The following ESR2 variants were observed in gnomAD, a reference collection of about 807,000 sequenced individuals.
ESR2 encodes estrogen receptor beta.
In ESR2, 36 loss-of-function variants were observed where a neutral mutation model predicts 49.6. The ratio of observed to expected loss-of-function variants is 0.73; its 90% CI spans 0.56 to 0.96. The LOEUF is 0.96. Ranked by LOEUF, ESR2 falls within the 40% of genes least tolerant of loss-of-function variation. The pLI, the probability that ESR2 is intolerant of heterozygous loss-of-function variation, is 0.00. For synonymous variants in ESR2, 320 were observed against 266.1 expected, an observed-to-expected ratio of 1.20 and a Z score of -1.97; for missense variants, 714 against 693.0, an observed-to-expected ratio of 1.03 and a Z score of -0.34.
chr14:64,334,303 C>T (rs747995724), intron 1 of ESR2, among the ~76,000 whole-genome samples: 1 of 152,166 alleles, frequency 6.6e-6, no homozygotes, highest in Non-Finnish European at 1.5e-5. Flanking sequence ...CAGCTAACGG[C>T]CTCTTTTGAG....
chr14:64,314,407 G>A (rs148922810), intron 1 of ESR2, among the ~76,000 whole-genome samples: 27 of 149,692 alleles, frequency 1.8e-4, no homozygotes, highest in African/African-American at 6.6e-4. Context: ...AGAAAAGAGG[G>A]AAGATCTCAA....
chr14:64,265,021 C>T (rs140732903), intron 4 of ESR2, among the ~76,000 whole-genome samples: 1 of 152,146 alleles, frequency 6.6e-6, no homozygotes, highest in Non-Finnish European at 1.5e-5. Context: ...TGAATTCATA[C>T]GTTCAAATTT....
chr14:64,302,289 C>A (rs1342606961), intron 1 of ESR2, among the ~76,000 whole-genome samples: 1 of 151,946 alleles, frequency 6.6e-6, no homozygotes. Flanking sequence ...CGGGTTCATG[C>A]CATTCTCCTG....
chr14:64,312,469 G>A (rs1319041190), intron 1 of ESR2, among the ~76,000 whole-genome samples: 3 of 152,134 alleles, frequency 2.0e-5, no homozygotes, highest in African/African-American at 7.2e-5. Flanking sequence ...ATCACTTGAA[G>A]TCAGTGTAGG....
intron 7 of ESR2, among the ~76,000 whole-genome samples, chr14:64,238,356 T>A (rs1567731110): frequency 2.0e-5 from 3 of 151,022 alleles, no homozygotes; most frequent in Non-Finnish European, 3.0e-5. Context: ...TATGGTGGGG[T>A]AGGGGGGCAG....
rs182617398 is a variant in ESR2 at position 64,284,756 on chromosome 14, C to G, written c.-90-1681G>C. Among the ~76,000 whole-genome samples, 679 of 152,266 alleles carry G rather than the reference C, an allele frequency of 4.5e-3. 2 individuals are homozygous for G. The highest frequency in any genetic ancestry group is 6.2e-3 in the Non-Finnish European group (421 of 68,012). ...TGACTTCTCCCCTTGACTCAGTTAA[C>G]TTTACTCATCAAGGCACATTGGCTT... On this transcript the variant is annotated intron_variant, in intron 1 of 8. Transcript: ENST00000341099.
At chr14:64,256,390 T>G (rs1250491827) in intron 6 of ESR2, among the ~76,000 whole-genome samples, 1 of 152,210 alleles carries the variant, frequency 6.6e-6, no homozygotes, top group Non-Finnish European at 1.5e-5. Context: ...TAACCCTTCC[T>G]TCCACCGCTA....
intron 1 of ESR2, among the ~76,000 whole-genome samples, chr14:64,314,216 A>G (rs2077223482): frequency 6.6e-6 from 1 of 152,128 alleles, no homozygotes; most frequent in African/African-American, 2.4e-5. Flanking sequence ...CCAATAACAG[A>G]TAACAGGAAA....
intron 6 of ESR2, among the ~76,000 whole-genome samples, chr14:64,251,412 TACAC>T (rs111881046): frequency 0.24 from 35,282 of 149,304 alleles, 4,231 homozygotes; most frequent in Middle Eastern, 0.34. Context: ...GCACAATACA[TACAC>T]ACACACACAC....
At chr14:64,275,130 T>C (rs2076532788) in intron 3 of ESR2, among the ~76,000 whole-genome samples, 1 of 152,256 alleles carries the variant, frequency 6.6e-6, no homozygotes, top group Non-Finnish European at 1.5e-5. Flanking sequence ...TTAGTGCAGA[T>C]TAAATCTGAC....
chr14:64,266,350 C>A (rs1236336573), intron 4 of ESR2, among the ~76,000 whole-genome samples: 1 of 152,104 alleles, frequency 6.6e-6, no homozygotes, highest in Admixed American at 6.5e-5. Context: ...AAACCAAGGG[C>A]CAAAGAGGTG....
At chr14:64,273,143 A>C (rs1023411851) in intron 3 of ESR2, among the ~76,000 whole-genome samples, 1 of 151,134 alleles carries the variant, frequency 6.6e-6, no homozygotes, top group Admixed American at 6.6e-5. Flanking sequence ...TTTTTTTCAG[A>C]TTGTTTGCTG....
intron 1 of ESR2, among the ~76,000 whole-genome samples, chr14:64,326,228 C>T (rs931495788): frequency 6.6e-6 from 1 of 152,144 alleles, no homozygotes; most frequent in Non-Finnish European, 1.5e-5. Flanking sequence ...CAACAGACTT[C>T]TATAAAATCT....
intron 1 of ESR2, among the ~76,000 whole-genome samples, chr14:64,293,166 CACGTT>C (rs939876402): frequency 7.3e-4 from 111 of 152,318 alleles, no homozygotes; most frequent in African/African-American, 2.5e-3. Context: ...TTTTCATAGT[CACGTT>C]ACATTTGTTT....
At chr14:64,273,334 CTTCCAGTACTATGTTGAA>C (rs1056098819) in intron 3 of ESR2, among the ~76,000 whole-genome samples, 37 of 152,138 alleles carry the variant, frequency 2.4e-4, no homozygotes, top group African/African-American at 8.9e-4. Context: ...CTAGCTAGGA[CTTCCAGTACTATGTTGAA>C]TAACAGTGGT....
intron 3 of ESR2, 44 bp from the exon 4 acceptor site, chr14:64,268,955 C>T: frequency 9.1e-7 from 1 of 1,104,940 alleles, no homozygotes; most frequent in Non-Finnish European, 1.4e-6. Flanking sequence ...GCTATGATCT[C>T]TTAGTTAAAT....
intron 3 of ESR2, among the ~76,000 whole-genome samples, chr14:64,278,078 TA>T (rs2140801812): frequency 6.6e-6 from 1 of 152,216 alleles, no homozygotes; most frequent in African/African-American, 2.4e-5. Flanking sequence ...AGATACAAAA[TA>T]GTCATCGTAT....
chr14:64,306,925 G>C (rs368910738), intron 1 of ESR2, among the ~76,000 whole-genome samples: 1 of 152,048 alleles, frequency 6.6e-6, no homozygotes, highest in South Asian at 2.1e-4. Flanking sequence ...TTGTAGGAAG[G>C]TTTTAAACTA....
chr14:64,275,810 T>C (rs559557748), intron 3 of ESR2, among the ~76,000 whole-genome samples: 4 of 152,360 alleles, frequency 2.6e-5, no homozygotes, highest in African/African-American at 9.6e-5. Flanking sequence ...TGTTATATTA[T>C]TCTGTGGTTT....
Sources: allele counts gnomAD v4.1 joint callset (sites outside exome capture counted in the v4.1 genomes callset), GRCh38; gene constraint gnomAD v4.1.1; transcripts MANE v1.5; gene names NCBI Gene and HGNC (gene_info 2026-07-23, HGNC 2026-07-21).